The following NCOA1 variants were observed in gnomAD, a reference collection of about 807,000 sequenced individuals.
The protein encoded by NCOA1 is nuclear receptor coactivator 1.
NCOA1 carries 35 observed loss-of-function variants against 150.9 expected under a neutral mutation model. The ratio of observed to expected loss-of-function variants is 0.23; its 90% CI spans 0.18 to 0.31. The LOEUF (loss-of-function observed/expected upper bound fraction) is 0.31, where lower values mean the gene tolerates loss of function less well. NCOA1 is among the 10% of genes least tolerant of loss of function. NCOA1 has a pLI of 1.00. For missense variants in NCOA1, 1,491 were observed against 1,749.3 expected (o/e 0.85, Z 2.63); for synonymous variants, 590 against 630.0 (o/e 0.94, Z 0.95).
intron 1 of NCOA1, among the ~76,000 whole-genome samples, chr2:24,535,139 T>G (rs963039005): frequency 1.3e-5 from 2 of 152,220 alleles, no homozygotes; most frequent in African/African-American, 4.8e-5. Flanking sequence ...GCTCCTGTAT[T>G]GGGTGCATAT....
intron 1 of NCOA1, among the ~76,000 whole-genome samples, chr2:24,521,997 G>A (rs1037104778): frequency 3.3e-5 from 5 of 150,130 alleles, no homozygotes; most frequent in African/African-American, 7.4e-5. Context: ...TATTCTCCCC[G>A]CCCCCCATAC....
Position 24,752,046 on chromosome 2 carries a change from G to A in NCOA1, c.3771G>A (p.Pro1257=), listed in dbSNP as rs748042321. Residue 1257 remains proline, a synonymous_variant, in exon 20 of 23, where the codon CCG becomes CCA. Transcript: ENST00000348332. ...PSLSPGSSMV[P]MPIPPPQSSL... ...TAAGCCCTGGGAGCTCCATGGTGCC[G>A]ATGCCAATCCCTCCTCCTCAGAGTT... 31 of 1,613,972 alleles carry A rather than the reference G, an allele frequency of 1.9e-5. No individual in the cohort carries two copies. The highest frequency in any genetic ancestry group is 2.5e-5 in the Non-Finnish European group (30 of 1,179,998).
intron 3 of NCOA1, among the ~76,000 whole-genome samples, chr2:24,641,706 A>G (rs773786903): frequency 2.3e-4 from 35 of 152,118 alleles, no homozygotes; most frequent in Admixed American, 3.3e-4. Context: ...CTCTGTTGTT[A>G]CCAATGAGAA....
At chr2:24,588,856 G>A (rs529596125) in intron 3 of NCOA1, among the ~76,000 whole-genome samples, 1 of 152,320 alleles carries the variant, frequency 6.6e-6, no homozygotes, top group African/African-American at 2.4e-5. Flanking sequence ...GAAATCTGTA[G>A]TAGGATCACA....
chr2:24,515,484 G>A (rs556489965), intron 1 of NCOA1, among the ~76,000 whole-genome samples: 1 of 152,254 alleles, frequency 6.6e-6, no homozygotes, highest in South Asian at 2.1e-4. Context: ...CAGTCCTCCT[G>A]CCACGGCCTC....
intron 2 of NCOA1, among the ~76,000 whole-genome samples, chr2:24,576,521 C>T (rs1480557376): frequency 6.6e-6 from 1 of 152,164 alleles, no homozygotes; most frequent in Non-Finnish European, 1.5e-5. Flanking sequence ...AATCCCACTC[C>T]TGCTCTGACT....
intron 6 of NCOA1, among the ~76,000 whole-genome samples, chr2:24,669,081 T>G (rs1558889159): frequency 6.6e-6 from 1 of 152,336 alleles, no homozygotes; most frequent in East Asian, 1.9e-4. Flanking sequence ...CAGGTTGGTG[T>G]AAATAAATTA....
chr2:24,534,685 T>G (rs1157312428), intron 1 of NCOA1, among the ~76,000 whole-genome samples: 2 of 152,354 alleles, frequency 1.3e-5, no homozygotes, highest in Middle Eastern at 3.4e-3. Flanking sequence ...CATCTTTATT[T>G]CTGCCTTCAT....
Position 24,725,979 on chromosome 2 carries a change from C to T in NCOA1, c.2600-610C>T, listed in dbSNP as rs901746063. Among the ~76,000 whole-genome samples, 4 of 151,912 alleles carry T rather than the reference C, an allele frequency of 2.6e-5. No homozygotes were observed. In the East Asian group the frequency reaches 5.8e-4, roughly 22 times the overall value. On this transcript the variant is annotated intron_variant, in intron 14 of 22. Transcript: ENST00000348332. The stretch of plus-strand genomic sequence containing the variant: ...ATGATCATAAAGCTTTCCAAAAAAG[C>T]GTTACAGAAAAACGTTCTAAAATGC...
Position 24,706,927 on chromosome 2 carries a change from T to A in NCOA1, c.1457T>A (p.Phe486Tyr). The stretch of plus-strand genomic sequence containing the variant: ...GGTACAGGAATATCCCTAGCACAGT[T>A]CATGTCTCCAAGGAGACAGGTTACT... The part of the protein sequence containing the change: ...MEGTGISLAQ[F>Y]MSPRRQVTSG... The change falls in exon 13 of 23, where the codon TTC becomes TAC. Residue 486 changes from phenylalanine (F) to tyrosine (Y), a missense_variant. This residue lies in a region of NCOA1 where 703 missense variants were observed against 717.7 expected (regional missense o/e 0.98). Coordinates refer to ENST00000348332, the MANE Select transcript of NCOA1 (RefSeq NM_003743.5). 6.2e-7 allele frequency: 1 copy of A among 1,614,150 alleles called. No individual in the cohort carries two copies. Among genetic ancestry groups the A allele is most frequent in the Non-Finnish European group, 8.5e-7 (1 of 1,180,038 alleles).
chr2:24,538,855 A>G (rs1397013659), intron 1 of NCOA1, among the ~76,000 whole-genome samples: 8 of 152,064 alleles, frequency 5.3e-5, no homozygotes. Context: ...GTAGGGGAAG[A>G]AAAAAAATGT....
chr2:24,609,427 T>G (rs749147903), intron 3 of NCOA1, among the ~76,000 whole-genome samples: 4 of 152,196 alleles, frequency 2.6e-5, no homozygotes, highest in Non-Finnish European at 5.9e-5. Context: ...TTATTTTCTT[T>G]CTTGATCTCA....
rs771986349 is a variant in NCOA1, at chr2:24,741,988, C to G, written c.3508C>G (p.Pro1170Ala). The G allele has an allele frequency of 2.5e-6, 4 of 1,614,114 alleles. No individual in the cohort carries two copies. The South Asian group carries it at 4.4e-5, about 18-fold the overall frequency. ...PQGAPQQFPY[P>A]PNYGTNPGTP... ...GGGTGCTCCACAGCAATTCCCCTAT[C>G]CACCAAACTATGGTACAAATCCAGG... Residue 1170 changes from proline to alanine, a missense_variant, in exon 19 of 23, where the codon CCA (proline) becomes GCA (alanine). Pro to Ala is a conservative substitution (Grantham distance 27). Transcript: ENST00000348332.
intron 14 of NCOA1, among the ~76,000 whole-genome samples, chr2:24,725,714 CGTGTGTGTGTGTGTGTGT>C (rs57720230): frequency 6.7e-6 from 1 of 148,874 alleles, no homozygotes; most frequent in South Asian, 2.1e-4. Context: ...CTAAAGTGTG[CGTGTGTGTGTGTGTGTGT>C]GTGTGTGTGT....
intron 3 of NCOA1, among the ~76,000 whole-genome samples, chr2:24,634,095 T>C (rs1362487140): frequency 1.3e-5 from 2 of 152,174 alleles, no homozygotes; most frequent in African/African-American, 4.8e-5. Flanking sequence ...TTTAAACATA[T>C]ATTTCAAAAC....
chr2:24,583,214 A>G (rs930744419), intron 2 of NCOA1, among the ~76,000 whole-genome samples: 3 of 152,164 alleles, frequency 2.0e-5, no homozygotes, highest in Non-Finnish European at 4.4e-5. Flanking sequence ...AACAGCAAAA[A>G]GCCAATAATT....
At chr2:24,612,807 G>A (rs1183032342) in intron 3 of NCOA1, among the ~76,000 whole-genome samples, 1 of 151,954 alleles carries the variant, frequency 6.6e-6, no homozygotes, top group African/African-American at 2.4e-5. Flanking sequence ...AAGTTTCTTT[G>A]TGTTGATTTT....
At chr2:24,608,704 G>GTTTTTTTTTTTT (rs56710627) in intron 3 of NCOA1, among the ~76,000 whole-genome samples, 27 of 117,330 alleles carry the variant, frequency 2.3e-4, no homozygotes, top group African/African-American at 7.6e-4. Context: ...TTGTTGTTGT[G>GTTTTTTTTTTTT]TTTTTTTTTT....
At chr2:24,620,867 T>C (rs890965140) in intron 3 of NCOA1, among the ~76,000 whole-genome samples, 18 of 152,342 alleles carry the variant, frequency 1.2e-4, no homozygotes, top group African/African-American at 4.1e-4. Flanking sequence ...AAATTTAGGA[T>C]ATGCAGGACC....
Sources: allele counts gnomAD v4.1 joint callset (sites outside exome capture counted in the v4.1 genomes callset), GRCh38; gene constraint gnomAD v4.1.1; regional missense constraint gnomAD v4.1.1; transcripts MANE v1.5; gene names NCBI Gene and HGNC (gene_info 2026-07-23, HGNC 2026-07-21).